NTNG1: variants seen among roughly 807,000 people sequenced by gnomAD.
The protein encoded by NTNG1 is netrin-G1.
Under a neutral mutation model 54.0 loss-of-function variants are expected in NTNG1, and 16 were observed. That is an observed-to-expected ratio of 0.30 (90% CI 0.20 to 0.45). The LOEUF is 0.45. NTNG1 is among the 20% of genes least tolerant of loss of function. The pLI, the probability that NTNG1 is intolerant of heterozygous loss-of-function variation, is 1.00. For synonymous variants in NTNG1, 255 were observed against 263.1 expected (o/e 0.97, Z 0.30); for missense variants, 530 against 678.7 (o/e 0.78, Z 2.43).
At chr1:107,243,373 A>G (rs1196661433) in intron 2 of NTNG1, among the ~76,000 whole-genome samples, 4 of 152,216 alleles carry the variant, frequency 2.6e-5, no homozygotes, top group Admixed American at 2.0e-4. Context: ...TCATGGCACA[A>G]CCTTAAAATG....
intron 1 of NTNG1, among the ~76,000 whole-genome samples, chr1:107,147,374 G>A (rs1654202152): frequency 1.3e-5 from 2 of 151,890 alleles, no homozygotes; most frequent in African/African-American, 4.8e-5. Flanking sequence ...AAAAAGTAAC[G>A]GCAAATGCAG....
intron 3 of NTNG1, among the ~76,000 whole-genome samples, chr1:107,394,558 T>G (rs1672563224): frequency 6.6e-6 from 1 of 152,154 alleles, no homozygotes; most frequent in Non-Finnish European, 1.5e-5. Context: ...TCACCCCCCT[T>G]CGGGTCTGTT....
intron 2 of NTNG1, among the ~76,000 whole-genome samples, chr1:107,192,789 G>A (rs1047753452): frequency 1.3e-5 from 2 of 151,994 alleles, no homozygotes; most frequent in Admixed American, 6.6e-5. Context: ...TATCAGCAAA[G>A]CCATGGGATT....
At chr1:107,194,643 G>A (rs746319491) in intron 2 of NTNG1, among the ~76,000 whole-genome samples, 1 of 152,038 alleles carries the variant, frequency 6.6e-6, no homozygotes, top group Non-Finnish European at 1.5e-5. Flanking sequence ...CATCTGTAAT[G>A]TGTTTAGAAA....
At chr1:107,418,165 G>T (rs761129523) in intron 5 of NTNG1, among the ~76,000 whole-genome samples, 2 of 151,970 alleles carry the variant, frequency 1.3e-5, no homozygotes, top group African/African-American at 4.8e-5. Context: ...CATGAAAGAC[G>T]AATGCAACCA....
At chr1:107,267,914 AC>A (rs1663858365) in intron 2 of NTNG1, among the ~76,000 whole-genome samples, 1 of 152,154 alleles carries the variant, frequency 6.6e-6, no homozygotes, top group African/African-American at 2.4e-5. Context: ...CTCAGCACAC[AC>A]CAGACAGTCT....
rs979800406 is a variant in NTNG1, at chr1:107,482,592, A to G, written c.*1752A>G. On this transcript the variant is annotated 3_prime_UTR_variant, in exon 8 of 8. Transcript: ENST00000370068. ...TTAGCAGCAGCATCTCCTGGAATCA[A>G]AAACAATTATCAGCCCGAACCAGAG... is the stretch of plus-strand genomic sequence containing the variant. The G allele has an allele frequency of 2.6e-5, 4 of 152,290 alleles. No individual in the cohort carries two copies. The highest frequency in any genetic ancestry group is 2.6e-4 in the Admixed American group (4 of 15,284). The allele number at this position is 152,290 out of a possible 1,614,324, so 9.4% of individuals were successfully genotyped here. A position where few individuals can be genotyped will look rare whatever the true frequency, so the allele number is the denominator to read the frequency against.
At chr1:107,292,015 A>G (rs1436131508) in intron 2 of NTNG1, among the ~76,000 whole-genome samples, 4 of 152,186 alleles carry the variant, frequency 2.6e-5, no homozygotes, top group Admixed American at 2.6e-4. Context: ...AAGGGCTTAA[A>G]TAAGAAATTT....
chr1:107,464,542 T>A (rs941453212), intron 7 of NTNG1, among the ~76,000 whole-genome samples: 3 of 152,112 alleles, frequency 2.0e-5, no homozygotes, highest in Non-Finnish European at 2.9e-5. Context: ...ACCTTTAGAT[T>A]AACCAAGAGG....
chr1:107,333,643 G>C (rs2101903512), intron 3 of NTNG1, among the ~76,000 whole-genome samples: 1 of 151,932 alleles, frequency 6.6e-6, no homozygotes, highest in South Asian at 2.1e-4. Context: ...CATCGTGTGT[G>C]TGTGCATGTG....
In NTNG1 at chr1:107,324,267, G is replaced by C; in HGVS notation, c.247-15G>C. 6.2e-7 allele frequency: 1 copy of C among 1,607,844 alleles called. No individual in the cohort carries two copies. The highest frequency in any genetic ancestry group is 2.2e-5 in the East Asian group (1 of 44,720). The stretch of plus-strand genomic sequence containing the variant: ...CCAGTGTTTTGATGCACGCTCTTTT[G>C]TTCTTCTTCCATAGGGCAATCCCTA... On this transcript the variant is annotated splice_polypyrimidine_tract_variant and intron_variant, in intron 2 of 7. Transcript: ENST00000370068.
chr1:107,207,005 T>C (rs6679858), intron 2 of NTNG1, among the ~76,000 whole-genome samples: 14,716 of 152,226 alleles, frequency 0.097, 1,221 homozygotes, highest in African/African-American at 0.23. Flanking sequence ...GATTTCTGCC[T>C]AGTAATTTTC....
Position 107,440,686 on chromosome 1 carries a change from C to G in NTNG1, c.1390+3887C>G, listed in dbSNP as rs143633216. Among the ~76,000 whole-genome samples the G allele has an allele frequency of 2.6e-5, 4 of 152,172 alleles. No homozygotes were observed. The East Asian group carries it at 5.8e-4, about 22-fold the overall frequency. On this transcript the variant is annotated intron_variant, in intron 7 of 7. Transcript: ENST00000370068. ...ACTATTGAGGAATCAAACTGTTGAC[C>G]TGGGGGCTTCTAAAAAGCCTCCTGG...
At chr1:107,301,979 A>G (rs1227452880) in intron 2 of NTNG1, among the ~76,000 whole-genome samples, 1 of 152,142 alleles carries the variant, frequency 6.6e-6, no homozygotes, top group African/African-American at 2.4e-5. Flanking sequence ...GCTGTTTGCC[A>G]GCTCTTTCCA....
rs185339192 is a variant in NTNG1 at position 107,202,523 on chromosome 1, A to G, written c.246+53684A>G. On this transcript the variant is annotated intron_variant, in intron 2 of 7. Transcript: ENST00000370068. ...TACCTTGTTTTCTAAGACCTTATTT[A>G]TTTTATTTCTTTGTTTGCTTTTTAT... Among the ~76,000 whole-genome samples, 187 of 151,582 alleles carry G rather than the reference A, an allele frequency of 1.2e-3. 2 individuals are homozygous for G. Among genetic ancestry groups the G allele is most frequent in the Middle Eastern group, 6.8e-3 (2 of 292 alleles).
chr1:107,463,685 C>T (rs924560423), intron 7 of NTNG1, among the ~76,000 whole-genome samples: 2 of 151,930 alleles, frequency 1.3e-5, no homozygotes, highest in South Asian at 2.1e-4. Context: ...TTATTGAGAA[C>T]CAAAATGTAC....
chr1:107,297,200 C>A (rs181776944), intron 2 of NTNG1, among the ~76,000 whole-genome samples: 63 of 117,270 alleles, frequency 5.4e-4, no homozygotes, highest in African/African-American at 2.1e-3. Flanking sequence ...TATATAACAT[C>A]ATATATATAT....
intron 7 of NTNG1, among the ~76,000 whole-genome samples, chr1:107,453,081 A>AC (rs1676718135): frequency 3.9e-5 from 6 of 152,190 alleles, no homozygotes; most frequent in Non-Finnish European, 8.8e-5. Flanking sequence ...TACTTTCCTG[A>AC]ATGTTCAGTG....
At chr1:107,248,617 G>T (rs747859708) in intron 2 of NTNG1, among the ~76,000 whole-genome samples, 7 of 152,024 alleles carry the variant, frequency 4.6e-5, no homozygotes, top group Non-Finnish European at 7.4e-5. Flanking sequence ...CTATAATGAC[G>T]ATCACAATAT....
Sources: allele counts gnomAD v4.1 joint callset (sites outside exome capture counted in the v4.1 genomes callset), GRCh38; gene constraint gnomAD v4.1.1; transcripts MANE v1.5; gene names NCBI Gene and HGNC (gene_info 2026-07-23, HGNC 2026-07-21).